CSTPP1: variants seen among roughly 807,000 people sequenced by gnomAD.
The protein encoded by CSTPP1 is UPF0705 protein C11orf49.
the CSTPP1 span, among the ~76,000 whole-genome samples, chr11:47,127,526 T>C: frequency 6.6e-6 from 1 of 152,168 alleles, no homozygotes; most frequent in African/African-American, 2.4e-5. Context: ...TGGCTGGAGC[T>C]GAAGGAGAAC....
the CSTPP1 span, chr11:47,160,309 A>G: frequency 6.6e-6 from 1 of 152,212 alleles, no homozygotes; most frequent in Non-Finnish European, 1.5e-5. Flanking sequence ...CAAAAAAAAA[A>G]AAAAAAAAAA....
chr11:46,995,502 A>C, the CSTPP1 span, among the ~76,000 whole-genome samples: 4 of 152,198 alleles, frequency 2.6e-5, no homozygotes, highest in African/African-American at 9.6e-5. Context: ...GTTTCAAAGA[A>C]CATCTTTATT....
At chr11:47,078,597 G>A in the CSTPP1 span, among the ~76,000 whole-genome samples, 1 of 152,170 alleles carries the variant, frequency 6.6e-6, no homozygotes, top group Non-Finnish European at 1.5e-5. Context: ...CAAGAGCATA[G>A]ATGGAAAGAT....
chr11:47,151,108 T>C, the CSTPP1 span, among the ~76,000 whole-genome samples: 1 of 151,824 alleles, frequency 6.6e-6, no homozygotes, highest in Non-Finnish European at 1.5e-5. Flanking sequence ...TTTAGGAAAA[T>C]CTTTCTGCCC....
At chr11:47,158,205 T>C in the CSTPP1 span, among the ~76,000 whole-genome samples, 1 of 152,308 alleles carries the variant, frequency 6.6e-6, no homozygotes, top group South Asian at 2.1e-4. Flanking sequence ...ACCCCAGCTC[T>C]GCTTTGGGGA....
the CSTPP1 span, among the ~76,000 whole-genome samples, chr11:47,082,119 CCG>C: frequency 3.4e-5 from 5 of 147,418 alleles, no homozygotes; most frequent in Non-Finnish European, 6.0e-5. Context: ...CACTGCACTC[CCG>C]CCTGGGAGAC....
chr11:47,007,778 G>C, the CSTPP1 span, among the ~76,000 whole-genome samples: 1 of 151,978 alleles, frequency 6.6e-6, no homozygotes, highest in South Asian at 2.1e-4. Flanking sequence ...ATTTATATTT[G>C]CTTTTGGCAG....
At chr11:47,086,355 A>C in the CSTPP1 span, among the ~76,000 whole-genome samples, 1 of 151,878 alleles carries the variant, frequency 6.6e-6, no homozygotes, top group Non-Finnish European at 1.5e-5. Flanking sequence ...ACAGAGAGCC[A>C]AGATTGCGCC....
chr11:47,160,010 T>C, the CSTPP1 span: 3 of 280,674 alleles, frequency 1.1e-5, no homozygotes, highest in South Asian at 3.3e-5. Context: ...ATCAAATAAA[T>C]AAACACTAAT....
At chr11:47,164,286 T>G in the CSTPP1 span, 1 of 1,587,324 alleles carries the variant, frequency 6.3e-7, no homozygotes, top group Non-Finnish European at 8.6e-7. Context: ...GGAGGCAGGA[T>G]CCAGAGGACA....
At chr11:46,986,767 C>G in the CSTPP1 span, among the ~76,000 whole-genome samples, 1 of 152,158 alleles carries the variant, frequency 6.6e-6, no homozygotes, top group Admixed American at 6.5e-5. Flanking sequence ...TGTGCCTGGC[C>G]AGAGTTTTCT....
chr11:46,963,977 A>G, the CSTPP1 span, among the ~76,000 whole-genome samples: 16 of 152,170 alleles, frequency 1.1e-4, no homozygotes, highest in Non-Finnish European at 2.1e-4. Flanking sequence ...AATTAAAATA[A>G]TAAATAACAA....
At chr11:47,032,797 T>C in the CSTPP1 span, among the ~76,000 whole-genome samples, 7 of 152,260 alleles carry the variant, frequency 4.6e-5, no homozygotes, top group South Asian at 1.5e-3. Flanking sequence ...AATGGGCCCT[T>C]GAACAACATG....
At chr11:47,151,849 G>C in the CSTPP1 span, among the ~76,000 whole-genome samples, 2 of 151,766 alleles carry the variant, frequency 1.3e-5, no homozygotes, top group South Asian at 4.2e-4. Flanking sequence ...CCTCCTGCTC[G>C]GCATATGTTT....
chr11:47,077,779 G>A, the CSTPP1 span, among the ~76,000 whole-genome samples: 1 of 152,054 alleles, frequency 6.6e-6, no homozygotes, highest in African/African-American at 2.4e-5. Flanking sequence ...AGGAATTTCT[G>A]CAGGAAAATT....
chr11:47,085,566 T>G, the CSTPP1 span, among the ~76,000 whole-genome samples: 6 of 152,134 alleles, frequency 3.9e-5, no homozygotes, highest in Non-Finnish European at 8.8e-5. Flanking sequence ...CTTTAAATGA[T>G]TTCAAGTTCC....
the CSTPP1 span, among the ~76,000 whole-genome samples, chr11:47,148,319 C>T: frequency 4.6e-5 from 7 of 152,184 alleles, no homozygotes; most frequent in Non-Finnish European, 1.0e-4. Context: ...TGGGGACACC[C>T]TTCAGCCACC....
chr11:47,052,789 A>ACATGTAGTAACT, the CSTPP1 span: 1 of 269,042 alleles, frequency 3.7e-6, no homozygotes, highest in Non-Finnish European at 7.1e-6. Flanking sequence ...GTAGCTCTTT[A>ACATGTAGTAACT]CATGTAGTAA....
the CSTPP1 span, among the ~76,000 whole-genome samples, chr11:47,073,350 A>C: frequency 2.0e-5 from 3 of 152,148 alleles, no homozygotes; most frequent in African/African-American, 7.2e-5. Context: ...GGTGCTACGG[A>C]GCATCAGGAA....
Sources: gnomAD v4.1 joint callset for allele counts (sites outside exome capture counted in the v4.1 genomes callset) on GRCh38, gnomAD v4.1.1 for gene constraint, MANE v1.5 for transcripts, NCBI Gene and HGNC (gene_info 2026-07-23, HGNC 2026-07-21) for gene names.